Variants in BDKRB2 observed in about 807,000 individuals in gnomAD.
BDKRB2 encodes bradykinin receptor B2.
BDKRB2 carries 6 observed loss-of-function variants against 4.0 expected under a neutral mutation model. The observed-to-expected ratio is 1.49, with a 90% CI of 0.81 to 2.93. The LOEUF (loss-of-function observed/expected upper bound fraction) is 2.93. Among genes scored for constraint, BDKRB2 ranks in the 30% most tolerant of loss-of-function variants. The pLI, the probability that BDKRB2 is intolerant of heterozygous loss-of-function variation, is 0.00. For synonymous variants in BDKRB2, 225 were observed against 215.3 expected (o/e 1.05, Z -0.40); for missense variants, 478 against 520.1 (o/e 0.92, Z 0.79).
chr14:96,230,139 A>C (rs914640114), intron 1 of BDKRB2, among the ~76,000 whole-genome samples: 16 of 152,092 alleles, frequency 1.1e-4, no homozygotes, highest in Admixed American at 7.2e-4. Context: ...GTCTCAACAA[A>C]AAAAAAAAAT....
At position 96,242,809 on chromosome 14, in the gene BDKRB2, A is replaced by T. The variant is rs1277010602; in HGVS notation, c.*1305A>T. The T allele has an allele frequency of 6.6e-6, 1 of 152,406 alleles. No homozygotes were observed. The highest frequency in any genetic ancestry group is 1.5e-5 in the Non-Finnish European group (1 of 68,178). 9.4% of individuals were successfully genotyped at this position (152,406 alleles called of 1,614,324 possible). A position where few individuals can be genotyped will look rare whatever the true frequency, so the allele number is the denominator to read the frequency against. On this transcript the variant is annotated 3_prime_UTR_variant, in exon 3 of 3. Coordinates refer to ENST00000554311, the MANE Select transcript of BDKRB2 (RefSeq NM_001379692.1). ...CCTGCTCAGGGACTGTTCCTGTCTCAGCAACCAAGGGATTGTTCCTGTCAA... is the reference window on the plus strand; with the variant it reads ...CCTGCTCAGGGACTGTTCCTGTCTCTGCAACCAAGGGATTGTTCCTGTCAA...
Position 96,241,612 on chromosome 14 carries a change from A to T in BDKRB2, c.*108A>T. 1.4e-6 allele frequency: 2 copies of T among 1,428,524 alleles called. No individual in the cohort carries two copies. Among genetic ancestry groups the T allele is most frequent in the Non-Finnish European group, 1.8e-6 (2 of 1,096,056 alleles). 88.5% of individuals were successfully genotyped at this position (1,428,524 alleles called of 1,614,324 possible). A position where few individuals can be genotyped will look rare whatever the true frequency, so the allele number is the denominator to read the frequency against. ...AGACATCTATGCACGACCTTGGGAA[A>T]TGAGTTGATGTCTCCGGTAAAACAC... is the stretch of plus-strand genomic sequence containing the variant. On this transcript the variant is annotated 3_prime_UTR_variant, in exon 3 of 3. Transcript: ENST00000554311.
At chr14:96,233,004 G>A (rs1890853309) in intron 1 of BDKRB2, among the ~76,000 whole-genome samples, 1 of 152,228 alleles carries the variant, frequency 6.6e-6, no homozygotes, top group Non-Finnish European at 1.5e-5. Context: ...ACCTTCATAA[G>A]GAAATGAAGT....
At chr14:96,238,559 C>T in intron 2 of BDKRB2, 1 of 985,746 alleles carries the variant, frequency 1.0e-6, no homozygotes, top group Non-Finnish European at 1.2e-6. Flanking sequence ...TCCTTAGCAC[C>T]CAGTGAAGAC....
intron 1 of BDKRB2, among the ~76,000 whole-genome samples, chr14:96,220,494 G>A (rs977123471): frequency 3.3e-5 from 5 of 152,044 alleles, no homozygotes; most frequent in African/African-American, 1.2e-4. Context: ...TGGAGGCTTG[G>A]GAACAAATGA....
chr14:96,239,864 A>G, intron 2 of BDKRB2: 1 of 985,526 alleles, frequency 1.0e-6, no homozygotes, highest in African/African-American at 1.7e-5. Context: ...GATAGAAGGT[A>G]CGGAAATACG....
chr14:96,230,082 C>T (rs1199267318), intron 1 of BDKRB2, among the ~76,000 whole-genome samples: 6 of 151,280 alleles, frequency 4.0e-5, no homozygotes, highest in Non-Finnish European at 8.8e-5. Context: ...TGCAGTGAGC[C>T]GAGATCATGC....
chr14:96,236,418 C>T (rs1890935117), intron 1 of BDKRB2, among the ~76,000 whole-genome samples: 1 of 152,148 alleles, frequency 6.6e-6, no homozygotes, highest in Admixed American at 6.5e-5. Flanking sequence ...TGACCTTTCT[C>T]CTCTAAATCA....
At chr14:96,207,425 TA>T (rs5810760) in intron 1 of BDKRB2, among the ~76,000 whole-genome samples, 77,796 of 151,754 alleles carry the variant, frequency 0.51, 20,160 homozygotes, top group South Asian at 0.63. Context: ...CAGTAAAAAA[TA>T]AAAAAAATCA....
chr14:96,222,226 C>T (rs1890587742), intron 1 of BDKRB2, among the ~76,000 whole-genome samples: 1 of 152,122 alleles, frequency 6.6e-6, no homozygotes, highest in Non-Finnish European at 1.5e-5. Context: ...GGGGCAGGGG[C>T]CTGGAGCTTC....
chr14:96,212,623 G>A (rs1040665142), intron 1 of BDKRB2, among the ~76,000 whole-genome samples: 2 of 152,134 alleles, frequency 1.3e-5, no homozygotes, highest in South Asian at 4.1e-4. Context: ...GCAGAGATCA[G>A]TGGGTGGCGG....
rs772856174 is a variant in BDKRB2 at position 96,229,543 on chromosome 14, G to T, written c.-39-7526G>T. ...AAGCTTCCTTAGTGAAAGCCAGCTG[G>T]CTGTGGGCTGTCACCACACAGACAA... On this transcript the variant is annotated intron_variant, in intron 1 of 2. Coordinates refer to ENST00000554311, the MANE Select transcript of BDKRB2 (RefSeq NM_001379692.1). 8.5e-5 allele frequency among the ~76,000 whole-genome samples: 13 copies of T among 152,258 alleles called. No individual in the cohort carries two copies. In the East Asian group the frequency reaches 2.5e-3, roughly 30 times the overall value.
intron 1 of BDKRB2, among the ~76,000 whole-genome samples, chr14:96,227,781 A>C (rs1052951412): frequency 1.3e-5 from 2 of 152,224 alleles, no homozygotes; most frequent in African/African-American, 4.8e-5. Context: ...TCAAGCCCCA[A>C]ATCAAAGGTG....
At chr14:96,206,664 C>T (rs1229065767) in intron 1 of BDKRB2, among the ~76,000 whole-genome samples, 1 of 152,114 alleles carries the variant, frequency 6.6e-6, no homozygotes, top group African/African-American at 2.4e-5. Context: ...CAGTGACTGG[C>T]TCAGTAACAA....
chr14:96,242,274 G>A lies in BDKRB2; in HGVS notation c.*770G>A, dbSNP rs997132762. ...CGAGCAGGGTGCTGTGGGTGATATG[G>A]ACAGCAGAAGGGGGAGACCAAGGTT... On this transcript the variant is annotated 3_prime_UTR_variant, in exon 3 of 3. Coordinates refer to ENST00000554311, the MANE Select transcript of BDKRB2 (RefSeq NM_001379692.1). The A allele has an allele frequency of 5.9e-5, 9 of 152,208 alleles. No individual in the cohort carries two copies. Among genetic ancestry groups the A allele is most frequent in the African/African-American group, 2.2e-4 (9 of 41,446 alleles). The allele number at this position is 152,208 out of a possible 1,614,324, so 9.4% of individuals were successfully genotyped here. A position where few individuals can be genotyped will look rare whatever the true frequency, so the allele number is the denominator to read the frequency against.
intron 1 of BDKRB2, among the ~76,000 whole-genome samples, chr14:96,206,123 G>A (rs1346790700): frequency 6.6e-6 from 1 of 152,224 alleles, no homozygotes; most frequent in African/African-American, 2.4e-5. Flanking sequence ...AAAAAACTGT[G>A]CTGCGTCCTT....
At chr14:96,239,612 G>A in intron 2 of BDKRB2, 1 of 982,802 alleles carries the variant, frequency 1.0e-6, no homozygotes, top group Non-Finnish European at 1.2e-6. Flanking sequence ...ATTGAGCCTA[G>A]TGCAGTGCTT....
intron 2 of BDKRB2, chr14:96,238,365 C>A: frequency 1.4e-6 from 1 of 736,974 alleles, no homozygotes; most frequent in Non-Finnish European, 1.7e-6. Flanking sequence ...CCATCCCTGC[C>A]ACCATTAGTA....
At chr14:96,234,315 C>T (rs1890884838) in intron 1 of BDKRB2, among the ~76,000 whole-genome samples, 1 of 152,284 alleles carries the variant, frequency 6.6e-6, no homozygotes, top group Non-Finnish European at 1.5e-5. Flanking sequence ...GCGATCAGGC[C>T]CCTGATAAAA....
Sources: gnomAD v4.1 joint callset for allele counts (sites outside exome capture counted in the v4.1 genomes callset) on GRCh38, gnomAD v4.1.1 for gene constraint, MANE v1.5 for transcripts, NCBI Gene and HGNC (gene_info 2026-07-23, HGNC 2026-07-21) for gene names.